The following AGTPBP1 variants were observed in gnomAD, a reference collection of about 807,000 sequenced individuals.
AGTPBP1 encodes the protein ATP/GTP binding carboxypeptidase 1, also known as cytosolic carboxypeptidase 1.
In AGTPBP1, 70 loss-of-function variants were observed where a neutral mutation model predicts 143.9. That is an observed-to-expected ratio of 0.49 (90% CI 0.40 to 0.59). The LOEUF (loss-of-function observed/expected upper bound fraction) is 0.59. Among genes scored for constraint, AGTPBP1 ranks in the 20% least tolerant of loss-of-function variants. The pLI, the probability that AGTPBP1 is intolerant of heterozygous loss-of-function variation, is 0.00. For synonymous variants in AGTPBP1, 463 were observed against 500.2 expected, an observed-to-expected ratio of 0.93 and a Z score of 0.99; for missense variants, 1,229 against 1,464.5, an observed-to-expected ratio of 0.84 and a Z score of 2.62.
At chr9:85,660,772 T>A (rs905368809) in intron 9 of AGTPBP1, among the ~76,000 whole-genome samples, 164 bp downstream of exon 9, 1 of 152,164 alleles carries the variant, frequency 6.6e-6, no homozygotes, top group Non-Finnish European at 1.5e-5. Flanking sequence ...GTATTAGTTA[T>A]GATGCACATC....
At chr9:85,682,325 T>C (rs1835240755) in intron 3 of AGTPBP1, among the ~76,000 whole-genome samples, 1 of 152,116 alleles carries the variant, frequency 6.6e-6, no homozygotes, top group Non-Finnish European at 1.5e-5. Flanking sequence ...TACTATTCCA[T>C]AGCTACATTA....
intron 23 of AGTPBP1, among the ~76,000 whole-genome samples, chr9:85,581,201 G>T (rs1828237710): frequency 6.6e-6 from 1 of 152,162 alleles, no homozygotes; most frequent in Non-Finnish European, 1.5e-5. Flanking sequence ...ATGTCTTTTG[G>T]AAAATAACCT....
At chr9:85,619,152 A>G in intron 16 of AGTPBP1, 21 bp from the exon 17 acceptor site, 1 of 1,611,028 alleles carries the variant, frequency 6.2e-7, no homozygotes, top group Admixed American at 1.7e-5. Flanking sequence ...AAGACAAAGA[A>G]ATCTGATGAA....
At chr9:85,762,066 A>G in the AGTPBP1 span, among the ~76,000 whole-genome samples, 1 of 152,224 alleles carries the variant, frequency 6.6e-6, no homozygotes, top group African/African-American at 2.4e-5. Context: ...CAAAACCACA[A>G]TGAGATACCA....
At chr9:85,697,401 T>A (rs1297466760) in intron 2 of AGTPBP1, among the ~76,000 whole-genome samples, 6 of 148,030 alleles carry the variant, frequency 4.1e-5, no homozygotes, top group Admixed American at 3.4e-4. Context: ...TTAAATGAAT[T>A]AATATTTGTA....
rs1007570351 is a variant in AGTPBP1, at chr9:85,705,284, T to C, written c.32+7218A>G. ...CAAACCTTCCAAAATCAGTGATTTT[T>C]AAAAGAAAATGGGAAAAAGCAGCCA... On this transcript the variant is annotated intron_variant, in intron 2 of 25. Coordinates refer to ENST00000357081, the MANE Select transcript of AGTPBP1 (RefSeq NM_001330701.2). Among the ~76,000 whole-genome samples the C allele has an allele frequency of 8.1e-5, 12 of 148,456 alleles. No individual in the cohort carries two copies. In the East Asian group the frequency reaches 2.4e-3, roughly 29 times the overall value.
intron 2 of AGTPBP1, among the ~76,000 whole-genome samples, chr9:85,702,527 CTGTTT>C (rs1254632789): frequency 6.6e-6 from 1 of 150,566 alleles, no homozygotes; most frequent in Non-Finnish European, 1.5e-5. Context: ...TTATCTGTTT[CTGTTT>C]TATGATCTTC....
chr9:85,655,413 T>C, intron 10 of AGTPBP1, 93 bp from the exon 11 acceptor site: 1 of 1,075,086 alleles, frequency 9.3e-7, no homozygotes, highest in South Asian at 2.0e-5. Context: ...ACATTAATAA[T>C]TTTCTAGAAA....
intron 17 of AGTPBP1, among the ~76,000 whole-genome samples, chr9:85,612,222 G>T (rs1830357477): frequency 6.6e-6 from 1 of 152,014 alleles, no homozygotes; most frequent in African/African-American, 2.4e-5. Context: ...TCTTTGATGG[G>T]GATTGGTCAC....
chr9:85,741,674 C>T, intron 1 of AGTPBP1, 101 bp downstream of exon 1: 2 of 1,255,106 alleles, frequency 1.6e-6, no homozygotes, highest in Non-Finnish European at 2.0e-6. Flanking sequence ...GATCCGGGGT[C>T]GCCCCTCCTA....
At position 85,741,860 on chromosome 9, in the gene AGTPBP1, C is replaced by T. The variant is rs1824324871; in HGVS notation, c.-119G>A. 2.1e-6 allele frequency: 3 copies of T among 1,397,304 alleles called. No individual in the cohort carries two copies. Among genetic ancestry groups the T allele is most frequent in the Non-Finnish European group, 2.8e-6 (3 of 1,077,438 alleles). 86.6% of individuals were successfully genotyped at this position (1,397,304 alleles called of 1,614,324 possible). ...GGATCACGGCGGATCCCTCGCCGCC[C>T]GCCGCCCGGTGTTTTCATACAAACC... On this transcript the variant is annotated 5_prime_UTR_variant, in exon 1 of 26. Coordinates refer to ENST00000357081, the MANE Select transcript of AGTPBP1 (RefSeq NM_001330701.2).
chr9:85,617,813 G>C (rs775477794), intron 17 of AGTPBP1, among the ~76,000 whole-genome samples: 1 of 152,144 alleles, frequency 6.6e-6, no homozygotes, highest in East Asian at 1.9e-4. Flanking sequence ...AGGATAGTAA[G>C]AGAATACCAC....
At chr9:85,654,452 TTTAAC>T (rs994854081) in intron 11 of AGTPBP1, among the ~76,000 whole-genome samples, 7 of 152,172 alleles carry the variant, frequency 4.6e-5, no homozygotes, top group African/African-American at 1.7e-4. Context: ...GTTGTTTTTT[TTTAAC>T]TTAAGAAAAA....
Position 85,586,875 on chromosome 9 carries a change from T to C in AGTPBP1, c.2989A>G (p.Lys997Glu). ...GCAGCCAAGTATTGCAACAGCCCCT[T>C]AGCATGGTAAATTGTAGGATGTAAA... ...PDLHPTIYHA[K>E]GLLQYLAAVK... is the part of the protein sequence containing the mutation. Residue 997 changes from lysine (K) to glutamate (E), a missense_variant, in exon 22 of 26, where the codon AAG becomes GAG. Physicochemically the swap from Lys to Glu is moderately conservative, Grantham distance 56. This residue lies in a region of AGTPBP1 where 486 missense variants were observed against 652.3 expected (regional missense o/e 0.75). Transcript: ENST00000357081. The C allele has an allele frequency of 1.2e-6, 2 of 1,613,990 alleles. No individual in the cohort carries two copies. Among genetic ancestry groups the C allele is most frequent in the Non-Finnish European group, 1.7e-6 (2 of 1,179,940 alleles).
At chr9:85,799,022 C>T in the AGTPBP1 span, among the ~76,000 whole-genome samples, 2 of 152,086 alleles carry the variant, frequency 1.3e-5, no homozygotes, top group East Asian at 1.9e-4. Context: ...TGATGTTCCC[C>T]GCCCTGTGTC....
intron 17 of AGTPBP1, among the ~76,000 whole-genome samples, chr9:85,608,956 GGAATT>G (rs1279177493): frequency 6.6e-6 from 1 of 152,122 alleles, no homozygotes; most frequent in East Asian, 1.9e-4. Context: ...TACATAAACT[GGAATT>G]GATCAAACAA....
In AGTPBP1 at chr9:85,586,959, G is replaced by A; in HGVS notation, c.2905C>T (p.His969Tyr). ...TCCTCTCCACTTAAAGAACAGCGATGACTACATGTACATAAACACAAAGAC... is the reference window on the plus strand; with the variant it reads ...TCCTCTCCACTTAAAGAACAGCGATAACTACATGTACATAAACACAAAGAC... ...LNPDGVINGN[H>Y]RCSLSGEDLN... The change falls in exon 22 of 26, where the codon CAT becomes TAT. Residue 969 changes from histidine to tyrosine, a missense_variant and splice_region_variant. Transcript: ENST00000357081. The A allele has an allele frequency of 6.2e-7, 1 of 1,613,624 alleles. No individual in the cohort carries two copies.
At chr9:85,748,608 A>T in the AGTPBP1 span, among the ~76,000 whole-genome samples, 1 of 152,190 alleles carries the variant, frequency 6.6e-6, no homozygotes, top group Non-Finnish European at 1.5e-5. Flanking sequence ...AATGTGCCTT[A>T]CATGATATAT....
intron 1 of AGTPBP1, among the ~76,000 whole-genome samples, chr9:85,713,535 AAAACAAAC>A (rs541873512): frequency 3.3e-5 from 5 of 152,332 alleles, no homozygotes; most frequent in African/African-American, 9.6e-5. Context: ...CCATCTCAAA[AAAACAAAC>A]AAACAAACAA....
Sources: gnomAD v4.1 joint callset for allele counts (sites outside exome capture counted in the v4.1 genomes callset) on GRCh38, gnomAD v4.1.1 for gene constraint, gnomAD v4.1.1 regional missense constraint, MANE v1.5 for transcripts, NCBI Gene and HGNC (gene_info 2026-07-23, HGNC 2026-07-21) for gene names.